TENM2: variants seen among roughly 807,000 people sequenced by gnomAD.
The protein encoded by TENM2 is teneurin transmembrane protein 2, also known as teneurin-2.
TENM2 carries 52 observed loss-of-function variants against 245.2 expected under a neutral mutation model. The ratio of observed to expected loss-of-function variants is 0.21; its 90% CI spans 0.17 to 0.27. TENM2 has a LOEUF of 0.27. Ranked by LOEUF, TENM2 falls within the 10% of genes least tolerant of loss-of-function variation. The pLI is 1.00. For missense variants in TENM2, 3,046 were observed against 3,666.8 expected (o/e 0.83, Z 4.37); for synonymous variants, 1,363 against 1,438.9 (o/e 0.95, Z 1.19).
chr5:167,124,869 G>A, the TENM2 span, among the ~76,000 whole-genome samples: 1 of 152,236 alleles, frequency 6.6e-6, no homozygotes, highest in East Asian at 1.9e-4. Flanking sequence ...ATCTAAGATA[G>A]CTAAATGTGA....
At chr5:168,180,641 A>G (rs113348836) in intron 13 of TENM2, among the ~76,000 whole-genome samples, 12,803 of 152,298 alleles carry the variant, frequency 0.084, 759 homozygotes, top group African/African-American at 0.17. Flanking sequence ...CACACCTGTC[A>G]TCCCAGCACT....
At chr5:166,994,694 T>G in the TENM2 span, among the ~76,000 whole-genome samples, 5 of 152,176 alleles carry the variant, frequency 3.3e-5, no homozygotes, top group African/African-American at 1.2e-4. Context: ...TGGAGGGTAC[T>G]CTAGGAACTG....
At chr5:167,314,636 A>G (rs999891402) in intron 1 of TENM2, among the ~76,000 whole-genome samples, 1 of 152,150 alleles carries the variant, frequency 6.6e-6, no homozygotes, top group Non-Finnish European at 1.5e-5. Flanking sequence ...TTGCAAAACT[A>G]GGACATCACC....
the TENM2 span, among the ~76,000 whole-genome samples, chr5:167,129,585 A>G: frequency 1.3e-5 from 2 of 152,182 alleles, no homozygotes; most frequent in Non-Finnish European, 2.9e-5. Flanking sequence ...CTGATCTTGC[A>G]CTTAAGCATT....
At chr5:167,638,538 G>A (rs931066293) in intron 2 of TENM2, among the ~76,000 whole-genome samples, 1 of 152,180 alleles carries the variant, frequency 6.6e-6, no homozygotes, top group African/African-American at 2.4e-5. Flanking sequence ...TATAATAAAT[G>A]AATTACCAAG....
At chr5:167,488,823 C>T (rs909489394) in intron 2 of TENM2, among the ~76,000 whole-genome samples, 2 of 152,132 alleles carry the variant, frequency 1.3e-5, no homozygotes, top group Non-Finnish European at 2.9e-5. Context: ...TTGACATGTT[C>T]AAAATGGAAT....
At chr5:167,682,809 C>T (rs574288762) in intron 2 of TENM2, among the ~76,000 whole-genome samples, 1 of 152,096 alleles carries the variant, frequency 6.6e-6, no homozygotes, top group South Asian at 2.1e-4. Flanking sequence ...AACTGGGGAC[C>T]CTGGCTGTAA....
At chr5:167,646,783 G>A (rs1026448081) in intron 2 of TENM2, among the ~76,000 whole-genome samples, 9 of 152,092 alleles carry the variant, frequency 5.9e-5, no homozygotes, top group South Asian at 4.1e-4. Context: ...AGCATTAGGC[G>A]TATAATTGGG....
intron 2 of TENM2, among the ~76,000 whole-genome samples, chr5:167,405,304 A>G (rs1240042800): frequency 2.0e-5 from 3 of 152,056 alleles, no homozygotes; most frequent in Admixed American, 1.3e-4. Context: ...AGTTTCCTGC[A>G]TCTGGGTGCA....
At chr5:167,369,076 G>T (rs1380355978) in intron 1 of TENM2, among the ~76,000 whole-genome samples, 1 of 151,998 alleles carries the variant, frequency 6.6e-6, no homozygotes, top group Non-Finnish European at 1.5e-5. Context: ...TGTACTTGGG[G>T]CTTGTTTTGT....
chr5:167,060,743 AT>A, the TENM2 span, among the ~76,000 whole-genome samples: 12 of 151,886 alleles, frequency 7.9e-5, no homozygotes, highest in South Asian at 2.5e-3. Flanking sequence ...TCAACATGTA[AT>A]TAATGTAAAT....
At chr5:167,258,747 C>A in the TENM2 span, among the ~76,000 whole-genome samples, 1 of 152,044 alleles carries the variant, frequency 6.6e-6, no homozygotes, top group Non-Finnish European at 1.5e-5. Context: ...AGTTTAAAGT[C>A]CATTAAAACT....
chr5:167,911,476 G>A (rs1440905056), intron 3 of TENM2, among the ~76,000 whole-genome samples: 1 of 152,338 alleles, frequency 6.6e-6, no homozygotes, highest in Non-Finnish European at 1.5e-5. Context: ...GCCGTGAGCC[G>A]AGATCGCGCC....
intron 4 of TENM2, among the ~76,000 whole-genome samples, chr5:167,979,079 C>G (rs1319339717): frequency 6.6e-6 from 1 of 152,134 alleles, no homozygotes; most frequent in Non-Finnish European, 1.5e-5. Flanking sequence ...ATGTTGACAT[C>G]TGAAAGACTG....
intron 2 of TENM2, among the ~76,000 whole-genome samples, chr5:167,513,642 A>G (rs915023955): frequency 6.6e-6 from 1 of 152,186 alleles, no homozygotes; most frequent in Non-Finnish European, 1.5e-5. Context: ...GATGAACTGA[A>G]CACACATATT....
rs190565219 is a variant in TENM2, at chr5:167,547,095, A to T, written c.502+171622A>T. ...CTGGAAGTGGAATCTTATTATTATT[A>T]TTATTTTGAGACAGAATTTCAGTCT... On this transcript the variant is annotated intron_variant, in intron 2 of 28. Transcript: ENST00000518659. Among the ~76,000 whole-genome samples, 305 of 152,066 alleles carry T rather than the reference A, an allele frequency of 2.0e-3. 4 individuals carry two copies. The highest frequency in any genetic ancestry group is 0.017 in the Admixed American group (263 of 15,274).
intron 13 of TENM2, among the ~76,000 whole-genome samples, chr5:168,178,706 G>C (rs989043766): frequency 6.6e-6 from 1 of 152,230 alleles, no homozygotes; most frequent in Admixed American, 6.5e-5. Context: ...TGAAGCTTCA[G>C]TATTTCCCTT....
intron 2 of TENM2, chr5:167,653,624 C>A (rs1754629249): frequency 6.6e-6 from 1 of 152,048 alleles, no homozygotes; most frequent in South Asian, 2.1e-4. Context: ...TTTTGCATCC[C>A]CAGTGTCTAC....
At chr5:167,568,671 G>GTGTGTGTA (rs1774070335) in intron 2 of TENM2, among the ~76,000 whole-genome samples, 1 of 151,592 alleles carries the variant, frequency 6.6e-6, no homozygotes, top group African/African-American at 2.4e-5. Context: ...GTGTGTGTGT[G>GTGTGTGTA]TGTGTGTGTG....
Sources: gnomAD v4.1 joint callset for allele counts (sites outside exome capture counted in the v4.1 genomes callset) on GRCh38, gnomAD v4.1.1 for gene constraint, MANE v1.5 for transcripts, NCBI Gene and HGNC (gene_info 2026-07-23, HGNC 2026-07-21) for gene names.